Variants in TMEM164 observed in about 807,000 individuals in gnomAD.
TMEM164 encodes the protein RP13-360B22.2.
A neutral mutation model predicts 18.8 loss-of-function variants in TMEM164; 4 were observed. That is an observed-to-expected ratio of 0.21 (90% confidence interval 0.10 to 0.49). The LOEUF is 0.49. Ranked by LOEUF, TMEM164 falls within the 20% of genes least tolerant of loss-of-function variation. The probability of loss-of-function intolerance (pLI) is 0.98; values close to 1 mark genes in which losing one functional copy is unlikely to be tolerated. For synonymous variants in TMEM164, 86 were observed against 101.7 expected (o/e 0.85, Z 0.93); for missense variants, 108 against 239.9 (o/e 0.45, Z 3.63).
At chrX:110,179,213 A>G (rs1477433499), downstream of TMEM164, among the ~76,000 whole-genome samples, 1 of 111,630 alleles carries the variant, frequency 9.0e-6, no homozygotes, top group Non-Finnish European at 1.9e-5. Context: ...GTTCCTTTTT[A>G]GGAAGAGAGC....
chrX:110,087,714 C>G (rs949168405), intron 3 of TMEM164, among the ~76,000 whole-genome samples: 4 of 111,429 alleles, frequency 3.6e-5, no homozygotes, highest in African/African-American at 1.3e-4. Flanking sequence ...ACACATCCCT[C>G]TGCTCCAGAA....
At chrX:110,044,753 A>T (rs1249366711) in intron 2 of TMEM164, among the ~76,000 whole-genome samples, 1 of 107,913 alleles carries the variant, frequency 9.3e-6, no homozygotes, top group African/African-American at 3.4e-5. Flanking sequence ...GCCTGGCCTG[A>T]TATGTCAGTT....
At chrX:110,080,750 G>C (rs759957543) in intron 3 of TMEM164, among the ~76,000 whole-genome samples, 12 of 111,631 alleles carry the variant, frequency 1.1e-4, no homozygotes, top group Non-Finnish European at 2.1e-4. Flanking sequence ...ACCACGTTTT[G>C]CTCTGTTGCC....
At chrX:110,077,261 A>G (rs2065685604) in intron 3 of TMEM164, among the ~76,000 whole-genome samples, 1 of 111,827 alleles carries the variant, frequency 8.9e-6, no homozygotes, top group African/African-American at 3.3e-5. Context: ...TTTATCTGGT[A>G]TAAGAATTAT....
chrX:110,138,115 G>A (rs183179030), intron 4 of TMEM164, among the ~76,000 whole-genome samples: 38 of 112,029 alleles, frequency 3.4e-4, no homozygotes, highest in African/African-American at 1.2e-3. Flanking sequence ...GAAAGATGTG[G>A]CATTAAGTCT....
chrX:110,067,484 C>A, intron 3 of TMEM164, 88 bp downstream of exon 3: 1 of 898,393 alleles, frequency 1.1e-6, no homozygotes, highest in Non-Finnish European at 1.6e-6. Context: ...GCTGTGAACA[C>A]CTTGGGATTG....
chrX:110,080,269 A>G (rs1264448382), intron 3 of TMEM164, among the ~76,000 whole-genome samples: 2 of 112,136 alleles, frequency 1.8e-5, no homozygotes, highest in Non-Finnish European at 3.8e-5. Flanking sequence ...AAATCCATGC[A>G]TAGTTTTTTG....
intron 3 of TMEM164, among the ~76,000 whole-genome samples, chrX:110,081,213 G>T (rs749002383): frequency 1.8e-5 from 2 of 111,023 alleles, no homozygotes; most frequent in East Asian, 2.8e-4. Flanking sequence ...CTTTAAAATA[G>T]TATTGGGGGA....
chrX:110,092,699 A>C (rs2065949694), intron 3 of TMEM164, among the ~76,000 whole-genome samples: 1 of 111,459 alleles, frequency 9.0e-6, no homozygotes, highest in African/African-American at 3.3e-5. Context: ...AATACCCTTT[A>C]TTTCTTTCTC....
At chrX:110,121,977 G>C (rs2066456008) in intron 4 of TMEM164, among the ~76,000 whole-genome samples, 1 of 112,000 alleles carries the variant, frequency 8.9e-6, no homozygotes. Flanking sequence ...GTACTTACCA[G>C]TTGAGCATCC....
intron 2 of TMEM164, among the ~76,000 whole-genome samples, chrX:110,023,695 A>T (rs1934031261): frequency 8.9e-6 from 1 of 112,001 alleles, no homozygotes; most frequent in Admixed American, 9.4e-5. Flanking sequence ...AATAAGGGTC[A>T]GGGAGGTTAC....
intron 2 of TMEM164, among the ~76,000 whole-genome samples, chrX:110,058,954 A>G (rs1411293616): frequency 9.1e-6 from 1 of 109,913 alleles, no homozygotes; most frequent in Non-Finnish European, 1.9e-5. Flanking sequence ...CACTTTCTTA[A>G]TAGTGTCATT....
chrX:110,115,586 ATCC>A (rs752347531), intron 4 of TMEM164, among the ~76,000 whole-genome samples: 2 of 111,473 alleles, frequency 1.8e-5, no homozygotes, highest in African/African-American at 6.5e-5. Flanking sequence ...AGGGTCTTAA[ATCC>A]TTGATGAATC....
chrX:110,040,647 G>A (rs1935048116), intron 2 of TMEM164, among the ~76,000 whole-genome samples: 1 of 111,810 alleles, frequency 8.9e-6, no homozygotes, highest in African/African-American at 3.2e-5. Context: ...GAGGCAAACT[G>A]AATGAATTCT....
At chrX:110,133,971 G>A (rs922707430) in intron 4 of TMEM164, among the ~76,000 whole-genome samples, 1 of 112,092 alleles carries the variant, frequency 8.9e-6, no homozygotes, top group Non-Finnish European at 1.9e-5. Context: ...GTGAGCTCTT[G>A]TAGAGTATCT....
intron 2 of TMEM164, among the ~76,000 whole-genome samples, chrX:110,038,775 C>T (rs1165977436): frequency 2.0e-5 from 2 of 102,461 alleles, no homozygotes; most frequent in African/African-American, 7.2e-5. Flanking sequence ...GCACTTCTCC[C>T]TTGGCATAGT....
At chrX:110,036,865 CT>C (rs1015132700) in intron 2 of TMEM164, among the ~76,000 whole-genome samples, 5 of 111,202 alleles carry the variant, frequency 4.5e-5, no homozygotes, top group Non-Finnish European at 9.4e-5. Context: ...CTATTGTGCA[CT>C]GTATATGTGG....
chrX:110,149,574 C>T (rs1381560757), intron 5 of TMEM164, among the ~76,000 whole-genome samples: 2 of 111,677 alleles, frequency 1.8e-5, no homozygotes, highest in African/African-American at 6.5e-5. Flanking sequence ...TATTTTTTCT[C>T]ACTCCTCTGA....
intron 2 of TMEM164, among the ~76,000 whole-genome samples, chrX:110,009,442 AT>A (rs1222305798): frequency 9.2e-6 from 1 of 108,973 alleles, no homozygotes; most frequent in African/African-American, 3.3e-5. Context: ...TGGCCAGATC[AT>A]TTTTTTTTGT....
Sources: allele counts gnomAD v4.1 joint callset (sites outside exome capture counted in the v4.1 genomes callset), GRCh38; gene constraint gnomAD v4.1.1; transcripts MANE v1.5; gene names NCBI Gene and HGNC (gene_info 2026-07-23, HGNC 2026-07-21).